The following RUNX1 variants were observed in gnomAD, a reference collection of about 807,000 sequenced individuals.
RUNX1 encodes the protein RUNX family transcription factor 1.
A neutral mutation model predicts 42.8 loss-of-function variants in RUNX1; 19 were observed. That is an observed-to-expected ratio of 0.44 (90% CI 0.31 to 0.65). The LOEUF is 0.65. RUNX1 is among the 30% of genes least tolerant of loss of function. The probability of loss-of-function intolerance (pLI) is 0.07; values close to 1 mark genes in which losing one functional copy is unlikely to be tolerated. For synonymous variants in RUNX1, 271 were observed against 289.4 expected (o/e 0.94, Z 0.64); for missense variants, 528 against 672.0 (o/e 0.79, Z 2.37).
chr21:35,039,353 G>A (rs984982634), intron 2 of RUNX1, among the ~76,000 whole-genome samples: 10 of 152,100 alleles, frequency 6.6e-5, no homozygotes, highest in African/African-American at 2.4e-4. Context: ...GAACCTCTCT[G>A]GTGCCCTAAG....
rs146088810 is a variant in RUNX1 at position 34,787,873 on chromosome 21, C to G, written c.*4262G>C. 6.4e-5 allele frequency: 15 copies of G among 233,236 alleles called. No homozygotes were observed. The East Asian group carries it at 9.0e-4, about 14-fold the overall frequency. 14.4% of individuals were successfully genotyped at this position (233,236 alleles called of 1,614,324 possible). ...TGTAACACTGGATTTACAGAAGAAA[C>G]TGTGGTACAAAGAGAGGAAGGCTCT... is the stretch of plus-strand genomic sequence containing the variant. On this transcript the variant is annotated 3_prime_UTR_variant, in exon 9 of 9. Coordinates refer to ENST00000675419, the MANE Select transcript of RUNX1 (RefSeq NM_001754.5).
chr21:34,893,713 AT>A (rs1405683364), intron 2 of RUNX1, among the ~76,000 whole-genome samples: 1 of 151,872 alleles, frequency 6.6e-6, no homozygotes, highest in African/African-American at 2.4e-5. Context: ...GGATTTGAGC[AT>A]TTCAAATGCT....
chr21:34,987,718 G>A (rs1012204938), intron 2 of RUNX1, among the ~76,000 whole-genome samples: 1 of 152,208 alleles, frequency 6.6e-6, no homozygotes, highest in Non-Finnish European at 1.5e-5. Flanking sequence ...GAGCACCAAA[G>A]TATGTGGAAA....
At chr21:34,862,470 T>C (rs1305617014) in intron 5 of RUNX1, among the ~76,000 whole-genome samples, 1 of 152,172 alleles carries the variant, frequency 6.6e-6, no homozygotes, top group Non-Finnish European at 1.5e-5. Context: ...ATTAAGACTT[T>C]CACAATTCTG....
At chr21:34,911,408 G>A (rs1200150245) in intron 2 of RUNX1, among the ~76,000 whole-genome samples, 1 of 152,116 alleles carries the variant, frequency 6.6e-6, no homozygotes, top group East Asian at 1.9e-4. Context: ...ACAGAGGAAT[G>A]GGAGATCCAC....
At chr21:34,876,161 C>T (rs1054932848) in intron 5 of RUNX1, among the ~76,000 whole-genome samples, 2 of 152,206 alleles carry the variant, frequency 1.3e-5, no homozygotes, top group Non-Finnish European at 2.9e-5. Flanking sequence ...GGACACAGTA[C>T]GAGGGAAGCG....
rs772908107 is a variant in RUNX1, at chr21:34,843,887, G to A, written c.614-9286C>T. On this transcript the variant is annotated intron_variant, in intron 6 of 8. Transcript: ENST00000675419. The surrounding 1 kb of genome is among the most constrained non-coding windows in gnomAD (Gnocchi z 4.8). ...TGTCCATTTCTGTCTGGTGACTAAGGAGGTAACTTGAGCTCAGGGCAGAGA... is the reference window on the plus strand; with the variant it reads ...TGTCCATTTCTGTCTGGTGACTAAGAAGGTAACTTGAGCTCAGGGCAGAGA... 6.6e-6 allele frequency among the ~76,000 whole-genome samples: 1 copy of A among 152,186 alleles called. No homozygotes were observed. Among genetic ancestry groups the A allele is most frequent in the Non-Finnish European group, 1.5e-5 (1 of 68,030 alleles).
intron 7 of RUNX1, among the ~76,000 whole-genome samples, chr21:34,824,643 G>C (rs1183453878): frequency 6.6e-6 from 1 of 152,228 alleles, no homozygotes; most frequent in Non-Finnish European, 1.5e-5. Context: ...AACAGGGCTG[G>C]TGACAATTGA....
intron 2 of RUNX1, among the ~76,000 whole-genome samples, chr21:34,993,495 CCCTACA>C (rs2058961835): frequency 2.5e-5 from 3 of 119,018 alleles, no homozygotes; most frequent in Admixed American, 8.1e-5. Flanking sequence ...GTTTGTTTGT[CCCTACA>C]CACACACACA....
intron 3 of RUNX1, chr21:34,889,776 T>C (rs1569087943): frequency 1.7e-6 from 2 of 1,147,054 alleles, no homozygotes; most frequent in African/African-American, 1.6e-5. Context: ...CGGTCCGGCG[T>C]GCGCTGCCAA....
At chr21:34,988,740 G>A (rs898176644) in intron 2 of RUNX1, among the ~76,000 whole-genome samples, 1 of 152,096 alleles carries the variant, frequency 6.6e-6, no homozygotes, top group Non-Finnish European at 1.5e-5. Context: ...GATTATTATT[G>A]GGATGGTCTC....
chr21:34,887,257 G>GGGGGGGGGGGGGA, intron 3 of RUNX1, 161 bp from the exon 4 acceptor site: 1 of 1,309,544 alleles, frequency 7.6e-7, no homozygotes, highest in Non-Finnish European at 9.9e-7. Context: ...GGGGGCGGGG[G>GGGGGGGGGGGGGA]TGGTTAGGGG....
In RUNX1 at chr21:34,986,992, C is replaced by T. The variant is rs1198175761; in HGVS notation, c.58+61850G>A. ...CTGAAGCCAGTCCCAATGGGACCGACATGATTGACAGGCCAGGGAAGCCTC... is the reference window on the plus strand; with the variant it reads ...CTGAAGCCAGTCCCAATGGGACCGATATGATTGACAGGCCAGGGAAGCCTC... On this transcript the variant is annotated intron_variant, in intron 2 of 8. Transcript: ENST00000675419. Among the ~76,000 whole-genome samples the T allele has an allele frequency of 2.0e-5, 3 of 152,176 alleles. No individual in the cohort carries two copies. In the East Asian group the frequency reaches 5.8e-4, roughly 29 times the overall value.
chr21:34,886,261 A>C (rs1236538252), intron 4 of RUNX1, among the ~76,000 whole-genome samples: 1 of 152,218 alleles, frequency 6.6e-6, no homozygotes, highest in Non-Finnish European at 1.5e-5. Flanking sequence ...AAAAGCTCAG[A>C]GAACTCTTCA....
At chr21:34,885,685 T>G in intron 4 of RUNX1, among the ~76,000 whole-genome samples, 1 of 152,234 alleles carries the variant, frequency 6.6e-6, no homozygotes, top group East Asian at 1.9e-4. Context: ...AAGACCCAGC[T>G]GAGGCTTGGA....
intron 6 of RUNX1, among the ~76,000 whole-genome samples, chr21:34,842,192 G>A (rs909627042): frequency 3.9e-5 from 6 of 152,164 alleles, no homozygotes; most frequent in Non-Finnish European, 8.8e-5. Flanking sequence ...GCAGTTTCAT[G>A]AGAATTGTCT....
intron 7 of RUNX1, among the ~76,000 whole-genome samples, chr21:34,812,537 G>T (rs913309273): frequency 2.0e-5 from 3 of 152,180 alleles, no homozygotes; most frequent in African/African-American, 7.2e-5. Flanking sequence ...ATTCAGAAAG[G>T]CAAATGGAAA....
chr21:34,888,370 C>A (rs909940713), intron 3 of RUNX1: 18 of 1,067,714 alleles, frequency 1.7e-5, no homozygotes, highest in Admixed American at 5.3e-5. Context: ...AACTTCACGG[C>A]TCGCCTCGGA....
chr21:34,915,194 G>C (rs935679357), intron 2 of RUNX1, among the ~76,000 whole-genome samples: 1 of 152,098 alleles, frequency 6.6e-6, no homozygotes, highest in Non-Finnish European at 1.5e-5. Context: ...TGTAGAAAAA[G>C]TGTTTAAAAA....
Sources: allele counts gnomAD v4.1 joint callset (sites outside exome capture counted in the v4.1 genomes callset), GRCh38; gene constraint gnomAD v4.1.1; non-coding constraint Gnocchi (gnomAD v3.1); transcripts MANE v1.5; gene names NCBI Gene and HGNC (gene_info 2026-07-23, HGNC 2026-07-21).